Variants in SLC8A1 observed in about 807,000 individuals in gnomAD.
The protein encoded by SLC8A1 is sodium/calcium exchanger 1.
SLC8A1 carries 18 observed loss-of-function variants against 68.3 expected under a neutral mutation model. That is an observed-to-expected ratio of 0.26 (90% CI 0.18 to 0.39). SLC8A1 has a LOEUF of 0.39. SLC8A1 is among the 10% of genes least tolerant of loss of function. SLC8A1 has a pLI of 1.00. For synonymous variants in SLC8A1, 475 were observed against 415.5 expected, an observed-to-expected ratio of 1.14 and a Z score of -1.74; for missense variants, 985 against 1,156.7, an observed-to-expected ratio of 0.85 and a Z score of 2.15.
intron 2 of SLC8A1, among the ~76,000 whole-genome samples, chr2:40,289,769 G>A (rs1049334535): frequency 3.9e-5 from 6 of 152,032 alleles, no homozygotes; most frequent in South Asian, 2.1e-4. Context: ...GGGAGGAAGG[G>A]AGAATTGCTT....
At chr2:40,241,137 G>T (rs1163862917) in intron 2 of SLC8A1, among the ~76,000 whole-genome samples, 1 of 152,014 alleles carries the variant, frequency 6.6e-6, no homozygotes, top group African/African-American at 2.4e-5. Context: ...AGCTAATACG[G>T]TATATATACA....
At chr2:40,469,256 G>A (rs1703871385) in intron 1 of SLC8A1, among the ~76,000 whole-genome samples, 1 of 152,118 alleles carries the variant, frequency 6.6e-6, no homozygotes, top group South Asian at 2.1e-4. Flanking sequence ...CTACATGTTG[G>A]AGGAGAGGCC....
At chr2:40,166,929 G>A (rs185324581) in intron 4 of SLC8A1, among the ~76,000 whole-genome samples, 3 of 152,310 alleles carry the variant, frequency 2.0e-5, no homozygotes, top group Admixed American at 6.5e-5. Context: ...GCTATTGGGG[G>A]AGAATATTTA....
At chr2:40,106,863 A>G (rs2034230653) in exon 8 of SLC8A1, 1 of 152,320 alleles carries the variant, frequency 6.6e-6, no homozygotes, top group Non-Finnish European at 1.5e-5. Context: ...GTGGCTGGTT[A>G]AGTAGTTTCC....
Position 40,151,692 on chromosome 2 carries a change from G to T in SLC8A1, c.2161+9073C>A, listed in dbSNP as rs536747044. On this transcript the variant is annotated intron_variant, in intron 6 of 7. Coordinates refer to ENST00000406785, the Ensembl canonical transcript of SLC8A1. ...TAAAAAAAGACTGTGCTTTCCAATG[G>T]CCAAAGCAATTTAGAAACCATTGAA... Among the ~76,000 whole-genome samples the T allele has an allele frequency of 4.6e-5, 7 of 152,196 alleles. No individual in the cohort carries two copies. In the East Asian group the frequency reaches 1.4e-3, roughly 29 times the overall value.
intron 2 of SLC8A1, among the ~76,000 whole-genome samples, chr2:40,428,155 C>T (rs1697357084): frequency 1.3e-5 from 2 of 152,102 alleles, no homozygotes; most frequent in African/African-American, 4.8e-5. Context: ...ACCAATTTCT[C>T]AGCCTGTCTT....
At chr2:40,326,453 A>G (rs1418792280) in intron 2 of SLC8A1, among the ~76,000 whole-genome samples, 1 of 152,046 alleles carries the variant, frequency 6.6e-6, no homozygotes, top group Non-Finnish European at 1.5e-5. Flanking sequence ...GAGATAAAAA[A>G]AAAAATGGTG....
intron 2 of SLC8A1, among the ~76,000 whole-genome samples, chr2:40,199,656 G>A (rs1198095447): frequency 6.6e-6 from 1 of 151,728 alleles, no homozygotes; most frequent in Non-Finnish European, 1.5e-5. Context: ...TATACTATTT[G>A]CCAGGAATCT....
intron 1 of SLC8A1, among the ~76,000 whole-genome samples, chr2:40,459,883 A>C (rs932166226): frequency 6.6e-6 from 1 of 152,244 alleles, no homozygotes; most frequent in African/African-American, 2.4e-5. Context: ...ACTCTTCCAC[A>C]AACTCACATA....
chr2:40,220,875 C>A (rs1641453), intron 2 of SLC8A1, among the ~76,000 whole-genome samples: 112,618 of 150,980 alleles, frequency 0.75, 42,580 homozygotes, highest in Middle Eastern at 0.84. Context: ...TTTTTTTCTT[C>A]AAAAAAAAAG....
chr2:40,313,320 G>C (rs937247810), intron 2 of SLC8A1, among the ~76,000 whole-genome samples: 1 of 151,990 alleles, frequency 6.6e-6, no homozygotes, highest in African/African-American at 2.4e-5. Flanking sequence ...GTATGGAAAT[G>C]GTATAATTTG....
intron 2 of SLC8A1, among the ~76,000 whole-genome samples, chr2:40,270,747 T>C (rs146169928): frequency 8.5e-5 from 13 of 152,276 alleles, no homozygotes; most frequent in East Asian, 7.7e-4. Context: ...AATTAGAACA[T>C]GGACATCTTG....
chr2:40,205,563 C>T (rs430394), intron 2 of SLC8A1, among the ~76,000 whole-genome samples: 12,821 of 151,960 alleles, frequency 0.084, 754 homozygotes, highest in Admixed American at 0.17. Flanking sequence ...AACCAAACAC[C>T]GCAGGTTCTC....
intron 6 of SLC8A1, among the ~76,000 whole-genome samples, chr2:40,148,413 C>G (rs975857498): frequency 6.6e-6 from 1 of 152,208 alleles, no homozygotes; most frequent in African/African-American, 2.4e-5. Context: ...TTCCTGATCT[C>G]AGGATCTCCT....
intron 2 of SLC8A1, among the ~76,000 whole-genome samples, chr2:40,419,563 T>A (rs773042943): frequency 5.9e-5 from 9 of 152,056 alleles, no homozygotes; most frequent in Non-Finnish European, 1.0e-4. Context: ...TTTGCCCCTG[T>A]CTCTTTTTCT....
chr2:40,506,726 A>G (rs1193087858), intron 1 of SLC8A1, among the ~76,000 whole-genome samples: 1 of 151,846 alleles, frequency 6.6e-6, no homozygotes, highest in Non-Finnish European at 1.5e-5. Flanking sequence ...TGCCTGTAGT[A>G]GGGCAGTAGA....
At chr2:40,380,572 T>C (rs1681411376) in intron 2 of SLC8A1, among the ~76,000 whole-genome samples, 1 of 152,170 alleles carries the variant, frequency 6.6e-6, no homozygotes, top group Non-Finnish European at 1.5e-5. Context: ...TTACTAATTA[T>C]TCGGCACAAG....
intron 2 of SLC8A1, among the ~76,000 whole-genome samples, chr2:40,323,822 T>G (rs570584276): frequency 6.6e-6 from 1 of 152,236 alleles, no homozygotes; most frequent in South Asian, 2.1e-4. Context: ...GCCAGAAAAC[T>G]CAGTCTCTTA....
intron 2 of SLC8A1, among the ~76,000 whole-genome samples, chr2:40,306,683 C>T (rs1026939959): frequency 6.6e-6 from 1 of 152,122 alleles, no homozygotes; most frequent in African/African-American, 2.4e-5. Context: ...CAAATCTTTT[C>T]GTTTGGAACA....
Sources: allele counts gnomAD v4.1 joint callset (sites outside exome capture counted in the v4.1 genomes callset), GRCh38; gene constraint gnomAD v4.1.1; transcripts MANE v1.5; gene names NCBI Gene and HGNC (gene_info 2026-07-23, HGNC 2026-07-21).